The following CPNE2 variants were observed in gnomAD, a reference collection of about 807,000 sequenced individuals.
The protein encoded by CPNE2 is copine-2.
Under a neutral mutation model 69.7 loss-of-function variants are expected in CPNE2, and 42 were observed. That is an observed-to-expected ratio of 0.60 (90% CI 0.47 to 0.78). CPNE2 has a LOEUF of 0.78. Among genes scored for constraint, CPNE2 ranks in the 30% least tolerant of loss-of-function variants. The probability of loss-of-function intolerance (pLI) is 0.00; values close to 1 mark genes in which losing one functional copy is unlikely to be tolerated. For missense variants in CPNE2, 587 were observed against 732.0 expected (o/e 0.80, Z 2.29); for synonymous variants, 294 against 289.8 (o/e 1.01, Z -0.15).
At chr16:57,132,995 G>T (rs1375472799) in intron 12 of CPNE2, among the ~76,000 whole-genome samples, 1 of 152,138 alleles carries the variant, frequency 6.6e-6, no homozygotes, top group Non-Finnish European at 1.5e-5. Flanking sequence ...ACCCCTATCA[G>T]CAGGGGGCTT....
At chr16:57,118,529 A>G (rs930556100) in intron 5 of CPNE2, among the ~76,000 whole-genome samples, 1 of 151,956 alleles carries the variant, frequency 6.6e-6, no homozygotes, top group South Asian at 2.1e-4. Context: ...TCTTTAAAGT[A>G]ACAGTTGCCA....
intron 1 of CPNE2, 105 bp from the exon 2 acceptor site, chr16:57,110,603 C>T (rs1025916828): frequency 3.2e-6 from 2 of 634,118 alleles, no homozygotes; most frequent in Admixed American, 7.7e-5. Flanking sequence ...ATTTGCCTTC[C>T]ATCTCTCCAC....
intron 3 of CPNE2, among the ~76,000 whole-genome samples, chr16:57,114,320 G>A (rs1378928154): frequency 6.6e-6 from 1 of 152,220 alleles, no homozygotes; most frequent in Non-Finnish European, 1.5e-5. Flanking sequence ...CACCTGGAAG[G>A]AAGGCAGGGT....
chr16:57,126,675 G>T (rs2069803604), intron 11 of CPNE2, among the ~76,000 whole-genome samples: 1 of 152,204 alleles, frequency 6.6e-6, no homozygotes, highest in Non-Finnish European at 1.5e-5. Flanking sequence ...AGAAGCAGGT[G>T]CCAGAGATTT....
At chr16:57,097,143 C>G (rs140586675) in intron 1 of CPNE2, among the ~76,000 whole-genome samples, 1 of 152,302 alleles carries the variant, frequency 6.6e-6, no homozygotes, top group African/African-American at 2.4e-5. Flanking sequence ...CTATTAACAT[C>G]CCAGCTCAAA....
At chr16:57,135,910 G>C (rs1193963378) in intron 13 of CPNE2, among the ~76,000 whole-genome samples, 1 of 138,976 alleles carries the variant, frequency 7.2e-6, no homozygotes, top group Admixed American at 7.7e-5. Context: ...AAAAGAGAAA[G>C]AAAGGAAAGA....
Position 57,110,840 on chromosome 16 carries a change from A to G in CPNE2, c.98A>G (p.Gln33Arg). 6.2e-7 allele frequency: 1 copy of G among 1,614,042 alleles called. No homozygotes were observed. The highest frequency in any genetic ancestry group is 2.2e-5 in the East Asian group (1 of 44,872). The change falls in exon 2 of 16, where the codon CAG becomes CGG. Residue 33 changes from glutamine (Q) to arginine (R), a missense_variant. By Grantham distance (43) the Gln-to-Arg change is conservative. Transcript: ENST00000290776. ...VCKVELSVSG[Q>R]NLLDRDVTSK... The stretch of plus-strand genomic sequence containing the variant: ...AAGGTGGAGCTGTCAGTGAGTGGCC[A>G]GAACCTACTGGACCGGGATGTTACC...
intron 1 of CPNE2, among the ~76,000 whole-genome samples, chr16:57,101,760 C>T (rs1380700228): frequency 6.6e-6 from 1 of 152,162 alleles, no homozygotes; most frequent in Non-Finnish European, 1.5e-5. Context: ...TAGGCCCCTC[C>T]CCAGACCTGC....
rs1200124292 is a variant in CPNE2 at position 57,117,475 on chromosome 16, C to T, written c.436-21C>T. The T allele has an allele frequency of 3.2e-5, 51 of 1,609,884 alleles. No homozygotes were observed. In the Admixed American group the frequency reaches 8.6e-4, roughly 27 times the overall value. ...GGAGGCTGGGGGAGTCTGAGGAGCC[C>T]CTCATGTCCCGGCCTTACAGATCGC... On this transcript the variant is annotated intron_variant, in intron 4 of 15. Transcript: ENST00000290776.
intron 11 of CPNE2, among the ~76,000 whole-genome samples, chr16:57,126,899 C>T (rs1236479229): frequency 6.6e-6 from 1 of 152,222 alleles, no homozygotes; most frequent in Non-Finnish European, 1.5e-5. Context: ...CTCTAGATGC[C>T]TGGCTGAGCC....
intron 1 of CPNE2, among the ~76,000 whole-genome samples, chr16:57,101,241 A>G (rs952527172): frequency 1.4e-4 from 22 of 152,138 alleles, no homozygotes; most frequent in Non-Finnish European, 2.5e-4. Context: ...TTGAAAATAC[A>G]TTTCTCTCTC....
intron 13 of CPNE2, 150 bp downstream of exon 13, chr16:57,134,976 G>T (rs1023808648): frequency 2.3e-6 from 2 of 860,560 alleles, no homozygotes; most frequent in Non-Finnish European, 3.7e-6. Context: ...GGGAAGAGCT[G>T]CAGTTTGGAG....
chr16:57,119,276 G>A lies in CPNE2; in HGVS notation c.589G>A (p.Glu197Lys). 1 of 1,614,104 alleles carries A rather than the reference G, an allele frequency of 6.2e-7. No individual in the cohort carries two copies. The highest frequency in any genetic ancestry group is 1.1e-5 in the South Asian group (1 of 91,090). ...DGKWMLVHRT[E>K]VIKYTLDPVW... Reference sequence around the variant, plus strand: ...CAAGTGGATGCTGGTCCACAGGACTGAGGTGGGTACGTGGGGGCCCAGGGA... The same window carrying A: ...CAAGTGGATGCTGGTCCACAGGACTAAGGTGGGTACGTGGGGGCCCAGGGA... The change falls in exon 6 of 16, where the codon GAG (glutamate) becomes AAG (lysine). Residue 197 changes from glutamate (E) to lysine (K), a missense_variant and splice_region_variant. Physicochemically the swap from Glu to Lys is moderately conservative, Grantham distance 56. Around this residue, in one of 5 missense-constraint regions of CPNE2, gnomAD observed 269 missense variants for 300.5 expected, o/e 0.90. Transcript: ENST00000290776.
At chr16:57,102,171 T>C (rs4784764) in intron 1 of CPNE2, among the ~76,000 whole-genome samples, 85,440 of 151,782 alleles carry the variant, frequency 0.56, 24,468 homozygotes, top group East Asian at 0.76. Flanking sequence ...CAGCTGGGCT[T>C]AAATTCCTGA....
intron 2 of CPNE2, among the ~76,000 whole-genome samples, chr16:57,111,806 T>C (rs1246010290): frequency 2.0e-5 from 3 of 152,160 alleles, no homozygotes; most frequent in Non-Finnish European, 4.4e-5. Context: ...GGCTTGAAGG[T>C]TGGAAAGAGT....
At chr16:57,123,361 T>G in intron 9 of CPNE2, 53 bp from the exon 10 acceptor site, 2 of 1,553,722 alleles carry the variant, frequency 1.3e-6, no homozygotes, top group Non-Finnish European at 1.8e-6. Flanking sequence ...AACTCCCCCA[T>G]GGGGAGTGTG....
intron 14 of CPNE2, among the ~76,000 whole-genome samples, chr16:57,140,256 C>T (rs1339584452): frequency 2.0e-5 from 3 of 152,062 alleles, no homozygotes; most frequent in African/African-American, 7.2e-5. Context: ...CTGCAACCTC[C>T]GCCTCCTGGG....
Position 57,119,227 on chromosome 16 carries a change from G to A in CPNE2, c.540G>A (p.Glu180=). 1 of 1,614,184 alleles carries A rather than the reference G, an allele frequency of 6.2e-7. No homozygotes were observed. Among genetic ancestry groups the A allele is most frequent in the South Asian group, 1.1e-5 (1 of 91,084 alleles). The change falls in exon 6 of 16, where the codon GAG becomes GAA. Residue 180 remains glutamate (E), a synonymous_variant. Transcript: ENST00000290776. ...DLFGKSDPFL[E]FYKPGDDGKW... ...TTGGGAAGTCAGACCCCTTTCTGGA[G>A]TTTTATAAGCCAGGAGACGATGGCA...
chr16:57,147,733 C>A lies in CPNE2; in HGVS notation c.*75C>A. Reference sequence around the variant, plus strand: ...AGGAACATGCACGCTCACTCTGCTTCCTTGTGGGTGGCCTTTTTTTACCGA... The same window carrying A: ...AGGAACATGCACGCTCACTCTGCTTACTTGTGGGTGGCCTTTTTTTACCGA... On this transcript the variant is annotated 3_prime_UTR_variant, in exon 16 of 16. Coordinates refer to ENST00000290776, the MANE Select transcript of CPNE2 (RefSeq NM_152727.6). 1.0e-6 allele frequency: 1 copy of A among 969,234 alleles called. No homozygotes were observed. 60.0% of individuals were successfully genotyped at this position (969,234 alleles called of 1,614,324 possible).
Sources: allele counts gnomAD v4.1 joint callset (sites outside exome capture counted in the v4.1 genomes callset), GRCh38; gene constraint gnomAD v4.1.1; regional missense constraint gnomAD v4.1.1; transcripts MANE v1.5; gene names NCBI Gene and HGNC (gene_info 2026-07-23, HGNC 2026-07-21).